COMMD10: variants seen among roughly 807,000 people sequenced by gnomAD.
COMMD10 encodes the protein COMM domain-containing protein 10.
Under a neutral mutation model 28.9 loss-of-function variants are expected in COMMD10, and 33 were observed. The ratio of observed to expected loss-of-function variants is 1.14; its 90% CI spans 0.87 to 1.53. The LOEUF is 1.53. COMMD10 is among the 40% of genes most tolerant of loss of function. COMMD10 has a pLI of 0.00. For synonymous variants in COMMD10, 110 were observed against 81.7 expected (o/e 1.35, Z -1.87); for missense variants, 310 against 233.4 (o/e 1.33, Z -2.14).
chr5:116,256,865 G>T (rs1750302752), intron 5 of COMMD10, among the ~76,000 whole-genome samples: 1 of 151,722 alleles, frequency 6.6e-6, no homozygotes, highest in Non-Finnish European at 1.5e-5. Context: ...ACTCTGTGGT[G>T]TTTGGCATCA....
At position 116,118,283 on chromosome 5, in the gene COMMD10, A is replaced by G. The variant is rs548993155; in HGVS notation, c.400-15785A>G. ...TTATTTTTTTTGTGGCCCACTATAT[A>G]TTTTACTTATTTACTTTTTTGTCTG... On this transcript the variant is annotated intron_variant, in intron 4 of 6. Coordinates refer to ENST00000274458, the MANE Select transcript of COMMD10 (RefSeq NM_016144.4). Among the ~76,000 whole-genome samples, 28 of 151,838 alleles carry G rather than the reference A, an allele frequency of 1.8e-4. 1 individual carries two copies. In the South Asian group the frequency reaches 5.4e-3, roughly 29 times the overall value.
intron 5 of COMMD10, among the ~76,000 whole-genome samples, chr5:116,285,344 A>G (rs1751189066): frequency 6.6e-6 from 1 of 151,952 alleles, no homozygotes; most frequent in Non-Finnish European, 1.5e-5. Flanking sequence ...ATGTCAGAAC[A>G]TGATAATGTG....
At chr5:116,141,088 CT>C (rs1489866385) in intron 5 of COMMD10, among the ~76,000 whole-genome samples, 7 of 151,596 alleles carry the variant, frequency 4.6e-5, no homozygotes, top group Non-Finnish European at 7.4e-5. Context: ...TCTTTTATCT[CT>C]TTTGAGTTTG....
rs375944022 is a variant in COMMD10 at position 116,114,009 on chromosome 5, C to T, written c.400-20059C>T. Among the ~76,000 whole-genome samples the T allele has an allele frequency of 6.6e-5, 10 of 151,364 alleles. No individual in the cohort carries two copies. In the South Asian group the frequency reaches 1.3e-3, roughly 19 times the overall value. On this transcript the variant is annotated intron_variant, in intron 4 of 6. Coordinates refer to ENST00000274458, the MANE Select transcript of COMMD10 (RefSeq NM_016144.4). ...CCACTTGTTTTTATTTCTGGGTGTG[C>T]GCATTGGTGAATACTTTATGATATT...
At chr5:116,273,021 A>G (rs982892504) in intron 5 of COMMD10, among the ~76,000 whole-genome samples, 1 of 151,832 alleles carries the variant, frequency 6.6e-6, no homozygotes. Context: ...GTCTCCATCA[A>G]GTCTTTATAA....
intron 5 of COMMD10, among the ~76,000 whole-genome samples, chr5:116,238,641 G>C (rs1471537605): frequency 1.3e-5 from 2 of 152,110 alleles, no homozygotes; most frequent in Admixed American, 6.6e-5. Flanking sequence ...CTCCCCAGGA[G>C]TTCATATTCA....
chr5:116,213,769 G>T (rs1580553887), intron 5 of COMMD10, among the ~76,000 whole-genome samples: 1 of 151,946 alleles, frequency 6.6e-6, no homozygotes, highest in Non-Finnish European at 1.5e-5. Flanking sequence ...ATAATACAGT[G>T]TTATTTCTTC....
chr5:116,235,891 A>T (rs1190944562), intron 5 of COMMD10, among the ~76,000 whole-genome samples: 1 of 152,146 alleles, frequency 6.6e-6, no homozygotes, highest in Non-Finnish European at 1.5e-5. Flanking sequence ...TCTTAAAATC[A>T]ATAGTTTTCT....
chr5:116,227,548 C>T (rs763608699), intron 5 of COMMD10, among the ~76,000 whole-genome samples: 10 of 152,150 alleles, frequency 6.6e-5, no homozygotes, highest in Non-Finnish European at 1.3e-4. Context: ...GTTTTGTCTC[C>T]TCTGCCACAG....
chr5:116,252,158 C>G (rs1422380898), intron 5 of COMMD10, among the ~76,000 whole-genome samples: 2 of 144,928 alleles, frequency 1.4e-5, no homozygotes, highest in Non-Finnish European at 3.0e-5. Context: ...TTGTTTTTTT[C>G]TTGTAAATTT....
At chr5:116,135,546 T>C (rs528164708) in intron 5 of COMMD10, among the ~76,000 whole-genome samples, 1 of 152,332 alleles carries the variant, frequency 6.6e-6, no homozygotes, top group South Asian at 2.1e-4. Flanking sequence ...ATGTGCAGTT[T>C]CACTTTCCAT....
intron 4 of COMMD10, among the ~76,000 whole-genome samples, chr5:116,132,134 T>G (rs1414774836): frequency 1.3e-5 from 2 of 152,006 alleles, no homozygotes; most frequent in Non-Finnish European, 2.9e-5. Context: ...ATGTGGATGA[T>G]GAGAATCTGA....
chr5:116,115,534 C>A (rs1420509088), intron 4 of COMMD10, among the ~76,000 whole-genome samples: 1 of 152,130 alleles, frequency 6.6e-6, no homozygotes, highest in Non-Finnish European at 1.5e-5. Flanking sequence ...ATTCTTCCCT[C>A]TTGAATCTGT....
intron 4 of COMMD10, among the ~76,000 whole-genome samples, chr5:116,095,184 C>G (rs758885255): frequency 6.6e-6 from 1 of 152,158 alleles, no homozygotes; most frequent in Non-Finnish European, 1.5e-5. Flanking sequence ...GTGAACTGTT[C>G]TGAACACACA....
intron 5 of COMMD10, among the ~76,000 whole-genome samples, chr5:116,233,918 G>T (rs1749593271): frequency 1.3e-5 from 2 of 152,164 alleles, no homozygotes; most frequent in South Asian, 4.1e-4. Context: ...ACCTCAAAAT[G>T]TTGAGAGAAG....
chr5:116,156,483 A>G (rs1185753237), intron 5 of COMMD10, among the ~76,000 whole-genome samples: 3 of 152,150 alleles, frequency 2.0e-5, no homozygotes. Context: ...TTGGGGCTGG[A>G]GAATTAAAAT....
chr5:116,089,342 G>A (rs562816637), intron 2 of COMMD10, among the ~76,000 whole-genome samples: 3 of 152,298 alleles, frequency 2.0e-5, no homozygotes, highest in East Asian at 1.9e-4. Context: ...ACTTGGCTCC[G>A]TAACTCTCTC....
At chr5:116,116,742 C>T (rs980067494) in intron 4 of COMMD10, among the ~76,000 whole-genome samples, 2 of 141,138 alleles carry the variant, frequency 1.4e-5, no homozygotes, top group South Asian at 2.2e-4. Flanking sequence ...GACGGAGTCT[C>T]GCTCTGTCGC....
At chr5:116,241,631 G>T (rs201677698) in intron 5 of COMMD10, among the ~76,000 whole-genome samples, 3 of 67,820 alleles carry the variant, frequency 4.4e-5, no homozygotes, top group African/African-American at 9.9e-5. Flanking sequence ...TATTTATTTT[G>T]AGATGGAGTC....
Sources: gnomAD v4.1 joint callset for allele counts (sites outside exome capture counted in the v4.1 genomes callset) on GRCh38, gnomAD v4.1.1 for gene constraint, MANE v1.5 for transcripts, NCBI Gene and HGNC (gene_info 2026-07-23, HGNC 2026-07-21) for gene names.